CEP63: variants seen among roughly 807,000 people sequenced by gnomAD.
CEP63 encodes the protein centrosomal protein 63.
In CEP63, 84 loss-of-function variants were observed where a neutral mutation model predicts 89.1. The ratio of observed to expected loss-of-function variants is 0.94; its 90% CI spans 0.79 to 1.13. The LOEUF is 1.13. Ranked by LOEUF, CEP63 falls within the 50% of genes most tolerant of loss-of-function variation. CEP63 has a pLI of 0.00. For missense variants in CEP63, 838 were observed against 813.3 expected, an observed-to-expected ratio of 1.03 and a Z score of -0.37; for synonymous variants, 267 against 272.5, an observed-to-expected ratio of 0.98 and a Z score of 0.20.
the CEP63 span, among the ~76,000 whole-genome samples, chr3:134,732,112 A>C: frequency 1.3e-5 from 2 of 152,232 alleles, no homozygotes; most frequent in Admixed American, 1.3e-4. Context: ...AGAGATAAAA[A>C]ATGAACAAGA....
the CEP63 span, among the ~76,000 whole-genome samples, chr3:134,694,538 T>G: frequency 6.6e-6 from 1 of 152,230 alleles, no homozygotes; most frequent in Non-Finnish European, 1.5e-5. Context: ...AATGTTTGTC[T>G]GTGCCTGGGC....
chr3:134,621,100 G>T, the CEP63 span, among the ~76,000 whole-genome samples: 1 of 152,206 alleles, frequency 6.6e-6, no homozygotes, highest in Non-Finnish European at 1.5e-5. Flanking sequence ...CTGCAGATCT[G>T]GGGGCTAGCC....
chr3:134,612,461 G>A, the CEP63 span, among the ~76,000 whole-genome samples: 3 of 152,138 alleles, frequency 2.0e-5, no homozygotes, highest in African/African-American at 7.2e-5. Flanking sequence ...GTGCTGAGGG[G>A]ATGCAAGGCT....
chr3:134,528,762 A>G (rs908695553), intron 3 of CEP63, among the ~76,000 whole-genome samples: 3 of 152,240 alleles, frequency 2.0e-5, no homozygotes, highest in South Asian at 2.1e-4. Context: ...GCTAAAAGCT[A>G]TTGCTCATTT....
chr3:134,610,929 C>A, the CEP63 span, among the ~76,000 whole-genome samples: 2 of 152,272 alleles, frequency 1.3e-5, no homozygotes, highest in African/African-American at 4.8e-5. Flanking sequence ...CAAGCCCTAC[C>A]CCCCTGCTAT....
At chr3:134,725,873 G>T in the CEP63 span, among the ~76,000 whole-genome samples, 1 of 152,164 alleles carries the variant, frequency 6.6e-6, no homozygotes, top group African/African-American at 2.4e-5. Context: ...GGCAGGTCAG[G>T]GGGCTCAGAG....
At chr3:134,485,840 T>A, upstream of CEP63, 1 of 325,258 alleles carries the variant, frequency 3.1e-6, no homozygotes, top group Non-Finnish European at 4.4e-6. Flanking sequence ...AAAACGGTTA[T>A]GAGCGTAAAG....
the CEP63 span, chr3:134,651,073 AG>A: frequency 3.2e-5 from 48 of 1,518,398 alleles, no homozygotes; most frequent in African/African-American, 5.6e-4. Flanking sequence ...GGCGCGGAAG[AG>A]GGCGCTCCCC....
chr3:134,674,785 C>A, the CEP63 span, among the ~76,000 whole-genome samples: 1 of 151,996 alleles, frequency 6.6e-6, no homozygotes, highest in Non-Finnish European at 1.5e-5. Flanking sequence ...AGTGAACATT[C>A]CAAGAATGAA....
chr3:134,766,665 G>A, the CEP63 span, among the ~76,000 whole-genome samples: 1 of 152,218 alleles, frequency 6.6e-6, no homozygotes, highest in African/African-American at 2.4e-5. Context: ...GGAGAGTGAG[G>A]CCGGAACAGT....
At chr3:134,587,583 G>A (rs1279751840) in exon 11 of CEP63, among the ~76,000 whole-genome samples, 2 of 152,110 alleles carry the variant, frequency 1.3e-5, no homozygotes, top group East Asian at 3.9e-4. Flanking sequence ...CATCCCAGAG[G>A]GGCACCTGCC....
the CEP63 span, among the ~76,000 whole-genome samples, chr3:134,720,426 C>T: frequency 5.9e-5 from 9 of 152,038 alleles, no homozygotes; most frequent in Non-Finnish European, 1.0e-4. Flanking sequence ...TTTTCACTTT[C>T]TTAATGATGT....
At chr3:134,770,181 C>T in the CEP63 span, among the ~76,000 whole-genome samples, 5 of 152,260 alleles carry the variant, frequency 3.3e-5, no homozygotes, top group Non-Finnish European at 7.3e-5. Flanking sequence ...TGGCTGCCCA[C>T]TGAAATCTCT....
chr3:134,662,162 A>C, the CEP63 span, among the ~76,000 whole-genome samples: 1 of 152,300 alleles, frequency 6.6e-6, no homozygotes, highest in Middle Eastern at 3.4e-3. Context: ...TGGTAATCCC[A>C]GCTACCCAGG....
At chr3:134,499,243 T>G (rs968751901) in intron 2 of CEP63, among the ~76,000 whole-genome samples, 1 of 152,214 alleles carries the variant, frequency 6.6e-6, no homozygotes, top group Non-Finnish European at 1.5e-5. Flanking sequence ...GTTTTCTAAT[T>G]CTTCCGAGTT....
chr3:134,667,068 G>A, the CEP63 span, among the ~76,000 whole-genome samples: 5 of 152,110 alleles, frequency 3.3e-5, no homozygotes, highest in African/African-American at 1.2e-4. Flanking sequence ...CCATCCAATC[G>A]GTGTCCGAGG....
chr3:134,641,300 T>C, the CEP63 span: 1 of 152,172 alleles, frequency 6.6e-6, no homozygotes, highest in Admixed American at 6.5e-5. Context: ...CCTAATATGG[T>C]AAAGAGGACT....
the CEP63 span, among the ~76,000 whole-genome samples, chr3:134,614,501 C>A: frequency 6.6e-6 from 1 of 151,910 alleles, no homozygotes; most frequent in Non-Finnish European, 1.5e-5. Flanking sequence ...CTCAGGGACC[C>A]AATCAGAGAA....
the CEP63 span, among the ~76,000 whole-genome samples, chr3:134,727,743 G>T: frequency 3.0e-4 from 46 of 152,292 alleles, no homozygotes; most frequent in Admixed American, 9.2e-4. Context: ...AAAATACTCT[G>T]GGTGAAACAG....
Sources: allele counts gnomAD v4.1 joint callset (sites outside exome capture counted in the v4.1 genomes callset), GRCh38; gene constraint gnomAD v4.1.1; transcripts MANE v1.5; gene names NCBI Gene and HGNC (gene_info 2026-07-23, HGNC 2026-07-21).